Variants in CPS1 observed in about 807,000 individuals in gnomAD.
CPS1 encodes carbamoyl-phosphate synthase [ammonia], mitochondrial.
A neutral mutation model predicts 174.6 loss-of-function variants in CPS1; 109 were observed. The observed-to-expected ratio is 0.62, with a 90% CI of 0.53 to 0.73. CPS1 has a LOEUF of 0.73. CPS1 is among the 30% of genes least tolerant of loss of function. The pLI is 0.00. For synonymous variants in CPS1, 637 were observed against 632.0 expected, an observed-to-expected ratio of 1.01 and a Z score of -0.12; for missense variants, 1,689 against 1,821.9, an observed-to-expected ratio of 0.93 and a Z score of 1.33.
At chr2:210,639,408 C>A (rs1021038604) in intron 23 of CPS1, among the ~76,000 whole-genome samples, 193 bp downstream of exon 23, 1 of 151,046 alleles carries the variant, frequency 6.6e-6, no homozygotes, top group Non-Finnish European at 1.5e-5. Context: ...GTCAGGAGAT[C>A]GAGACCATCC....
At chr2:210,648,663 C>A in intron 27 of CPS1, 123 bp downstream of exon 27, 1 of 839,496 alleles carries the variant, frequency 1.2e-6, no homozygotes, top group Non-Finnish European at 2.0e-6. Context: ...TAACAATTTC[C>A]AAACCATCAC....
At chr2:210,638,351 A>G (rs1483937562) in intron 22 of CPS1, among the ~76,000 whole-genome samples, 1 of 152,096 alleles carries the variant, frequency 6.6e-6, no homozygotes, top group Non-Finnish European at 1.5e-5. Flanking sequence ...TCTAGTATTC[A>G]TGACAATCAC....
chr2:210,578,774 C>A (rs947015836), intron 4 of CPS1, among the ~76,000 whole-genome samples: 2 of 152,188 alleles, frequency 1.3e-5, no homozygotes, highest in Non-Finnish European at 1.5e-5. Context: ...CTTATCCAGG[C>A]AGCTAATTTC....
At position 210,674,802 on chromosome 2, in the gene CPS1, C is replaced by T. The variant is rs1701466084; in HGVS notation, c.4102-100C>T. 64 of 974,064 alleles carry T rather than the reference C, an allele frequency of 6.6e-5. No homozygotes were observed. In the South Asian group the frequency reaches 8.2e-4, roughly 13 times the overall value. 60.3% of individuals were successfully genotyped at this position (974,064 alleles called of 1,614,324 possible). ...TTTTTTAATATAAAGCATCCGGCAACATGTAACATTGTCTTTTAAGATGTT... is the reference window on the plus strand; with the variant it reads ...TTTTTTAATATAAAGCATCCGGCAATATGTAACATTGTCTTTTAAGATGTT... On this transcript the variant is annotated intron_variant, in intron 34 of 37. Coordinates refer to ENST00000233072, the MANE Select transcript of CPS1 (RefSeq NM_001875.5).
chr2:210,656,733 A>G, intron 30 of CPS1, 101 bp downstream of exon 30: 1 of 811,830 alleles, frequency 1.2e-6, no homozygotes, highest in South Asian at 1.5e-5. Flanking sequence ...AATGTAAGAT[A>G]TGCTGCAGGT....
Position 210,656,622 on chromosome 2 carries a change from C to A in CPS1, c.3656C>A (p.Ala1219Asp). 1.2e-6 allele frequency: 2 copies of A among 1,609,810 alleles called. No homozygotes were observed. Among genetic ancestry groups the A allele is most frequent in the Non-Finnish European group, 1.7e-6 (2 of 1,178,108 alleles). ...MLPTQTISQG[A>D]IEKVKDATRK... is the part of the protein sequence containing the mutation. ...CCCACACAAACCATCAGCCAAGGGGCCATTGAAAAGGTCATCATTTATAAA... is the reference window on the plus strand; with the variant it reads ...CCCACACAAACCATCAGCCAAGGGGACATTGAAAAGGTCATCATTTATAAA... Residue 1219 changes from alanine to aspartate, a missense_variant, in exon 30 of 38, where the codon GCC becomes GAC. Physicochemically the swap from Ala to Asp is moderately radical, Grantham distance 126. Coordinates refer to ENST00000233072, the MANE Select transcript of CPS1 (RefSeq NM_001875.5).
intron 24 of CPS1, among the ~76,000 whole-genome samples, chr2:210,641,645 T>C (rs1337724957): frequency 1.3e-5 from 2 of 152,186 alleles, no homozygotes; most frequent in African/African-American, 4.8e-5. Context: ...GTACTTTTTC[T>C]TCCTTTTCAA....
chr2:210,594,601 G>A lies in CPS1; in HGVS notation c.1258G>A (p.Val420Ile), dbSNP rs1559095210. The A allele has an allele frequency of 6.2e-7, 1 of 1,608,686 alleles. No homozygotes were observed. Among genetic ancestry groups the A allele is most frequent in the Non-Finnish European group, 8.5e-7 (1 of 1,176,006 alleles). The change falls in exon 12 of 38, where the codon GTT becomes ATT. Residue 420 changes from valine to isoleucine, a missense_variant. Val to Ile is a conservative substitution (Grantham distance 29). Transcript: ENST00000233072. ...GAAGCCAGCACTAGTTGCATCTCGGGTTGAGGTCAGTATGTGGGCTTATTT... is the reference window on the plus strand; with the variant it reads ...GAAGCCAGCACTAGTTGCATCTCGGATTGAGGTCAGTATGTGGGCTTATTT... Reference protein sequence around the residue: ...LPKPALVASRVEVSKVLILGS... With the variant: ...LPKPALVASRIEVSKVLILGS...
At chr2:210,478,519 T>C (rs540706146) in intron 1 of CPS1, among the ~76,000 whole-genome samples, 3 of 152,372 alleles carry the variant, frequency 2.0e-5, no homozygotes, top group Non-Finnish European at 4.4e-5. Flanking sequence ...GGGTATATTC[T>C]GTATATTAAT....
chr2:210,527,526 A>T (rs1001266583), intron 1 of CPS1, among the ~76,000 whole-genome samples: 3 of 151,926 alleles, frequency 2.0e-5, no homozygotes, highest in African/African-American at 7.2e-5. Context: ...ATTTGGAAGG[A>T]GTAACCTGGG....
intron 1 of CPS1, among the ~76,000 whole-genome samples, chr2:210,535,962 G>A (rs537618032): frequency 6.6e-6 from 1 of 151,998 alleles, no homozygotes; most frequent in South Asian, 2.1e-4. Flanking sequence ...TGTGAGGGAG[G>A]TGCTATTATG....
At chr2:210,505,679 C>T in intron 1 of CPS1, among the ~76,000 whole-genome samples, 1 of 152,166 alleles carries the variant, frequency 6.6e-6, no homozygotes, top group Non-Finnish European at 1.5e-5. Context: ...AAAATTGGGT[C>T]ACTCCCACCC....
At chr2:210,545,612 A>G (rs1172122186) in intron 1 of CPS1, among the ~76,000 whole-genome samples, 1 of 152,022 alleles carries the variant, frequency 6.6e-6, no homozygotes, top group Non-Finnish European at 1.5e-5. Context: ...TTTGAGATAT[A>G]TTTTATCATG....
chr2:210,507,896 C>G (rs1176602538), intron 1 of CPS1, among the ~76,000 whole-genome samples: 10 of 150,500 alleles, frequency 6.6e-5, no homozygotes, highest in African/African-American at 1.5e-4. Flanking sequence ...TAGAGACCTA[C>G]AAAGAGACTT....
At chr2:210,572,646 C>T (rs1211306512) in intron 1 of CPS1, among the ~76,000 whole-genome samples, 1 of 151,992 alleles carries the variant, frequency 6.6e-6, no homozygotes, top group African/African-American at 2.4e-5. Context: ...AGGAAGTAGA[C>T]ATGGATATAA....
chr2:210,573,332 C>T lies in CPS1; in HGVS notation c.161C>T (p.Thr54Ile), dbSNP rs371343440. ...QTAHIVLEDGTKMKGYSFGHP... is the reference protein window; with the variant it reads ...QTAHIVLEDGIKMKGYSFGHP... ...GCACACATTGTCCTGGAAGATGGAACTAAGATGAAAGGTTACTCCTTTGGC... is the reference window on the plus strand; with the variant it reads ...GCACACATTGTCCTGGAAGATGGAATTAAGATGAAAGGTTACTCCTTTGGC... Residue 54 changes from threonine (T) to isoleucine (I), a missense_variant, in exon 2 of 38, where the codon ACT (threonine) becomes ATT (isoleucine). Physicochemically the swap from Thr to Ile is moderately conservative, Grantham distance 89 (BLOSUM62 -1). Coordinates refer to ENST00000233072, the MANE Select transcript of CPS1 (RefSeq NM_001875.5). 3 of 1,613,092 alleles carry T rather than the reference C, an allele frequency of 1.9e-6. No individual in the cohort carries two copies. The African/African-American group carries it at 4.0e-5, about 22-fold the overall frequency.
chr2:210,593,377 G>A, intron 11 of CPS1: 1 of 1,076,454 alleles, frequency 9.3e-7, no homozygotes, highest in Non-Finnish European at 1.1e-6. Flanking sequence ...AGAATAAACA[G>A]CAGCAGGAGA....
At chr2:210,611,194 G>C (rs1699107455) in intron 19 of CPS1, among the ~76,000 whole-genome samples, 1 of 151,810 alleles carries the variant, frequency 6.6e-6, no homozygotes, top group Non-Finnish European at 1.5e-5. Context: ...AGTGTGAAAA[G>C]GTTATCTGTT....
chr2:210,608,692 T>A, intron 19 of CPS1, 133 bp downstream of exon 19: 1 of 832,902 alleles, frequency 1.2e-6, no homozygotes, highest in South Asian at 1.4e-5. Flanking sequence ...ATTGACAGTG[T>A]TAAAGTTGCC....
Sources: allele counts gnomAD v4.1 joint callset (sites outside exome capture counted in the v4.1 genomes callset), GRCh38; gene constraint gnomAD v4.1.1; transcripts MANE v1.5; gene names NCBI Gene and HGNC (gene_info 2026-07-23, HGNC 2026-07-21).